OSCP1: variants seen among roughly 807,000 people sequenced by gnomAD.
The protein encoded by OSCP1 is organic solute carrier partner 1, also known as protein OSCP1.
In OSCP1, 35 loss-of-function variants were observed where a neutral mutation model predicts 45.1. The observed-to-expected ratio is 0.78, with a 90% confidence interval of 0.59 to 1.03. The LOEUF (loss-of-function observed/expected upper bound fraction) is 1.03, where lower values mean the gene tolerates loss of function less well. Among genes scored for constraint, OSCP1 ranks in the 50% least tolerant of loss-of-function variants. The pLI is 0.00. For synonymous variants in OSCP1, 179 were observed against 180.1 expected, an observed-to-expected ratio of 0.99 and a Z score of 0.05; for missense variants, 400 against 470.7, an observed-to-expected ratio of 0.85 and a Z score of 1.39.
intron 1 of OSCP1, among the ~76,000 whole-genome samples, chr1:36,448,119 T>G (rs1450940856): frequency 6.6e-6 from 1 of 152,214 alleles, no homozygotes; most frequent in African/African-American, 2.4e-5. Context: ...AACATATATG[T>G]ATTATTACCA....
At chr1:36,443,974 C>T in intron 1 of OSCP1, 1 of 1,607,890 alleles carries the variant, frequency 6.2e-7, no homozygotes. Context: ...TGGATGCACA[C>T]TGAACACATG....
chr1:36,428,293 A>G, intron 4 of OSCP1: 1 of 1,606,572 alleles, frequency 6.2e-7, no homozygotes, highest in Non-Finnish European at 8.5e-7. Context: ...CACTAAATAC[A>G]TTGCATTTCT....
intron 8 of OSCP1, 96 bp downstream of exon 8, chr1:36,420,380 A>G: frequency 7.2e-7 from 1 of 1,391,874 alleles, no homozygotes; most frequent in Non-Finnish European, 9.8e-7. Context: ...ATTTACACAA[A>G]TATTTATAAG....
intron 1 of OSCP1, among the ~76,000 whole-genome samples, chr1:36,446,754 C>T (rs1649563815): frequency 6.6e-6 from 1 of 152,234 alleles, no homozygotes; most frequent in African/African-American, 2.4e-5. Context: ...CTGTGATTGG[C>T]ATGTCTTGGA....
rs192276567 is a variant in OSCP1 at position 36,430,076 on chromosome 1, C to T, written c.516+1726G>A. ...CCTCCCAAAGTGCTGGGATTACAGG[C>T]GTGAGCCACTGCGCCCAGCCTAGTA... On this transcript the variant is annotated intron_variant, in intron 4 of 9. Coordinates refer to ENST00000235532, the MANE Select transcript of OSCP1 (RefSeq NM_145047.5). 5.8e-3 allele frequency among the ~76,000 whole-genome samples: 882 copies of T among 152,226 alleles called. 11 individuals carry two copies. Among genetic ancestry groups the T allele is most frequent in the African/African-American group, 0.02 (835 of 41,528 alleles).
intron 4 of OSCP1, among the ~76,000 whole-genome samples, chr1:36,427,515 C>T (rs1648051608): frequency 1.3e-5 from 2 of 151,694 alleles, no homozygotes; most frequent in African/African-American, 4.8e-5. Flanking sequence ...GACGGGGTTT[C>T]ACCATGTTGG....
rs774177746 is a variant in OSCP1, at chr1:36,418,124, G to C, written c.*15C>G. The stretch of plus-strand genomic sequence containing the variant: ...CAGCCTCTCCCTGGGGGCAGAGGAC[G>C]CCTGGTCAGAACAGCTATAACTCAT... On this transcript the variant is annotated 3_prime_UTR_variant, in exon 10 of 10. Coordinates refer to ENST00000235532, the MANE Select transcript of OSCP1 (RefSeq NM_145047.5). 1 of 1,610,710 alleles carries C rather than the reference G, an allele frequency of 6.2e-7. No homozygotes were observed. Among genetic ancestry groups the C allele is most frequent in the South Asian group, 1.1e-5 (1 of 90,944 alleles).
intron 1 of OSCP1, among the ~76,000 whole-genome samples, chr1:36,441,185 C>T (rs16822988): frequency 0.018 from 2,707 of 152,144 alleles, 87 homozygotes; most frequent in African/African-American, 0.062. Context: ...AGTACAAATG[C>T]CCCCAAAGAG....
At chr1:36,423,600 C>T (rs934516270) in intron 4 of OSCP1, 134 bp from the exon 5 acceptor site, 12 of 610,790 alleles carry the variant, frequency 2.0e-5, no homozygotes, top group Non-Finnish European at 2.5e-5. Flanking sequence ...AGAGGCTGGG[C>T]GCAGTGGATC....
In OSCP1 at chr1:36,423,351, T is replaced by C. The variant is rs1054341518; in HGVS notation, c.620+12A>G. On this transcript the variant is annotated intron_variant, in intron 5 of 9. Transcript: ENST00000235532. ...ACCCCAAACATAGCTCTGATCATTGTTGGGAATTCACCTGATGAGTCCTGG... is the reference window on the plus strand; with the variant it reads ...ACCCCAAACATAGCTCTGATCATTGCTGGGAATTCACCTGATGAGTCCTGG... 1.2e-5 allele frequency: 19 copies of C among 1,585,852 alleles called. No individual in the cohort carries two copies. The highest frequency in any genetic ancestry group is 1.3e-5 in the African/African-American group (1 of 74,270).
chr1:36,423,678 T>A lies in OSCP1; in HGVS notation c.517-212A>T, dbSNP rs187549903. On this transcript the variant is annotated intron_variant, in intron 4 of 9. Transcript: ENST00000235532. Reference sequence around the variant, plus strand: ...TCATGAGGTCAGGAGATAGAGACTATCCTGGCTAACACGGTGAAACCCTGT... The same window carrying A: ...TCATGAGGTCAGGAGATAGAGACTAACCTGGCTAACACGGTGAAACCCTGT... Among the ~76,000 whole-genome samples the A allele has an allele frequency of 4.3e-4, 65 of 151,888 alleles. 3 individuals carry two copies. The East Asian group carries it at 0.012, about 27-fold the overall frequency.
chr1:36,432,416 TCTTA>T lies in OSCP1; in HGVS notation c.435+2_435+5del. 2 of 1,613,730 alleles carry T rather than the reference TCTTA, an allele frequency of 1.2e-6. No individual in the cohort carries two copies. Among genetic ancestry groups the T allele is most frequent in the African/African-American group, 1.3e-5 (1 of 75,028 alleles). On this transcript the variant is annotated splice_donor_variant and splice_donor_5th_base_variant and intron_variant, in intron 3 of 9. Coordinates refer to ENST00000235532, the MANE Select transcript of OSCP1 (RefSeq NM_145047.5). LOFTEE classifies it high-confidence loss of function. ...CTGAGAGGCGAGACACTGATGGCAC[TCTTA>T]CTTCTGTCAGCTGCCGCAAAGTCTC...
At chr1:36,429,750 TTTATTTATTTA>T (rs1188392199) in intron 4 of OSCP1, among the ~76,000 whole-genome samples, 1 of 151,428 alleles carries the variant, frequency 6.6e-6, no homozygotes, top group Non-Finnish European at 1.5e-5. Context: ...TTATTTTATT[TTTATTTATTTA>T]TTTATTTTTT....
At chr1:36,439,295 A>G (rs886776730) in intron 1 of OSCP1, among the ~76,000 whole-genome samples, 1 of 152,138 alleles carries the variant, frequency 6.6e-6, no homozygotes, top group African/African-American at 2.4e-5. Context: ...CCAAGGCTGG[A>G]GGATCACTTG....
intron 1 of OSCP1, among the ~76,000 whole-genome samples, 170 bp downstream of exon 1, chr1:36,450,088 G>T (rs1386246131): frequency 6.6e-6 from 1 of 151,786 alleles, no homozygotes; most frequent in Non-Finnish European, 1.5e-5. Flanking sequence ...AAAGCTTTTG[G>T]GGGGATTTGA....
At chr1:36,449,301 C>T (rs1372661215) in intron 1 of OSCP1, among the ~76,000 whole-genome samples, 1 of 152,070 alleles carries the variant, frequency 6.6e-6, no homozygotes, top group Non-Finnish European at 1.5e-5. Context: ...TGTTCTGAGT[C>T]GTCATTTTTC....
intron 1 of OSCP1, chr1:36,440,972 C>G (rs1001293491): frequency 6.6e-6 from 1 of 152,196 alleles, no homozygotes; most frequent in Admixed American, 6.5e-5. Flanking sequence ...AGGGAAATAG[C>G]TTACACCCAG....
chr1:36,447,747 C>A lies in OSCP1; in HGVS notation c.112+2511G>T. 3.8e-6 allele frequency: 1 copy of A among 265,656 alleles called. No individual in the cohort carries two copies. The highest frequency in any genetic ancestry group is 8.0e-6 in the Non-Finnish European group (1 of 124,484). 16.5% of individuals were successfully genotyped at this position (265,656 alleles called of 1,614,324 possible). Reference sequence around the variant, plus strand: ...GGTACAAAGTAAGTGCTTGATTTTTCATTGTTTTATTGTTGATTGCTGTCA... The same window carrying A: ...GGTACAAAGTAAGTGCTTGATTTTTAATTGTTTTATTGTTGATTGCTGTCA... On this transcript the variant is annotated intron_variant, in intron 1 of 9. Coordinates refer to ENST00000235532, the MANE Select transcript of OSCP1 (RefSeq NM_145047.5). This position sits in a 1 kb window ranked among gnomAD's most constrained non-coding sequence, Gnocchi z 4.1.
At chr1:36,424,944 G>A (rs11263894) in intron 4 of OSCP1, among the ~76,000 whole-genome samples, 39,326 of 151,942 alleles carry the variant, frequency 0.26, 5,841 homozygotes, top group Middle Eastern at 0.4. Context: ...AGGCTGAGGC[G>A]GGTGGATCAC....
Sources: gnomAD v4.1 joint callset for allele counts (sites outside exome capture counted in the v4.1 genomes callset) on GRCh38, gnomAD v4.1.1 for gene constraint, Gnocchi (gnomAD v3.1) non-coding constraint, MANE v1.5 for transcripts, NCBI Gene and HGNC (gene_info 2026-07-23, HGNC 2026-07-21) for gene names.